The following ATAD5 variants were observed in gnomAD, a reference collection of about 807,000 sequenced individuals.
ATAD5 encodes ATPase family AAA domain containing 5.
ATAD5 carries 58 observed loss-of-function variants against 176.9 expected under a neutral mutation model. That is an observed-to-expected ratio of 0.33 (90% CI 0.27 to 0.41). The LOEUF (loss-of-function observed/expected upper bound fraction) is 0.41, where lower values mean the gene tolerates loss of function less well. ATAD5 is among the 10% of genes least tolerant of loss of function. The pLI is 1.00. For synonymous variants in ATAD5, 640 were observed against 712.6 expected (o/e 0.90, Z 1.62); for missense variants, 1,789 against 2,094.1 (o/e 0.85, Z 2.84).
intron 3 of ATAD5, among the ~76,000 whole-genome samples, chr17:30,838,557 G>T (rs749851926): frequency 1.6e-4 from 25 of 152,152 alleles, no homozygotes; most frequent in Admixed American, 9.2e-4. Context: ...ACTACAAGCA[G>T]TTAGAAAGAC....
chr17:30,877,811 G>A (rs962506997), intron 16 of ATAD5, among the ~76,000 whole-genome samples, 192 bp from the exon 17 acceptor site: 7 of 152,048 alleles, frequency 4.6e-5, no homozygotes, highest in African/African-American at 7.2e-5. Flanking sequence ...AGGTGGCTGC[G>A]TTTGTTTTTA....
At position 30,894,118 on chromosome 17, in the gene ATAD5, T is replaced by C; in HGVS notation, c.5265T>C (p.Asn1755=). The change falls in exon 21 of 23, where the codon AAT becomes AAC. Residue 1755 remains asparagine (N), a synonymous_variant. Coordinates refer to ENST00000321990, the MANE Select transcript of ATAD5 (RefSeq NM_024857.5). ...TTTATGTTTCACAAAAGCGCAATAA[T>C]GTATACTTTAGTCAGTCAGCAGCTA... The part of the protein sequence containing the change: ...LTFYVSQKRN[N]VYFSQSAANL... 1 of 1,585,236 alleles carries C rather than the reference T, an allele frequency of 6.3e-7. No homozygotes were observed. The highest frequency in any genetic ancestry group is 8.6e-7 in the Non-Finnish European group (1 of 1,163,206).
At chr17:30,880,992 C>CT (rs562847349) in intron 18 of ATAD5, among the ~76,000 whole-genome samples, 4,032 of 147,974 alleles carry the variant, frequency 0.027, 194 homozygotes, top group African/African-American at 0.094. Context: ...AAATAGCCAC[C>CT]TTTTTTTTTT....
At chr17:30,858,130 C>T (rs1907395329) in intron 8 of ATAD5, 31 bp from the exon 9 acceptor site, 1 of 1,456,610 alleles carries the variant, frequency 6.9e-7, no homozygotes, top group South Asian at 1.5e-5. Flanking sequence ...TGATGTTGGT[C>T]TGTTATTGTG....
In ATAD5 at chr17:30,835,859, C is replaced by T. The variant is rs751154775; in HGVS notation, c.1778C>T (p.Ser593Leu). ...TTGCTAAATGTTTCCACGCCCAAGT[C>T]AACTAGAAGATCTGGAAGAATTAGC... is the stretch of plus-strand genomic sequence containing the variant. ...ASLLNVSTPK[S>L]TRRSGRISST... The change falls in exon 2 of 23, where the codon TCA (serine) becomes TTA (leucine). Residue 593 changes from serine to leucine, a missense_variant. Physicochemically the swap from Ser to Leu is moderately radical, Grantham distance 145 (BLOSUM62 -2). Around this residue, in one of 6 missense-constraint regions of ATAD5, gnomAD observed 696 missense variants for 712.5 expected, o/e 0.98. Transcript: ENST00000321990. 1.4e-5 allele frequency: 22 copies of T among 1,613,944 alleles called. No individual in the cohort carries two copies. Among genetic ancestry groups the T allele is most frequent in the Admixed American group, 3.3e-5 (2 of 59,958 alleles).
At chr17:30,881,088 TTC>T (rs1432023347) in intron 18 of ATAD5, among the ~76,000 whole-genome samples, 1 of 147,674 alleles carries the variant, frequency 6.8e-6, no homozygotes, top group Non-Finnish European at 1.5e-5. Context: ...TTTTTCCTTT[TTC>T]TTTTTTTTCA....
At chr17:30,868,978 A>G (rs754856432) in intron 12 of ATAD5, among the ~76,000 whole-genome samples, 3 of 150,258 alleles carry the variant, frequency 2.0e-5, no homozygotes, top group East Asian at 2.0e-4. Context: ...CTGGGACTAC[A>G]GGCATGTGTC....
intron 4 of ATAD5, among the ~76,000 whole-genome samples, chr17:30,843,528 C>T (rs1906264588): frequency 6.6e-6 from 1 of 151,704 alleles, no homozygotes; most frequent in Middle Eastern, 3.4e-3. Flanking sequence ...CGCGCACCTC[C>T]AATCCCAGCT....
intron 11 of ATAD5, among the ~76,000 whole-genome samples, chr17:30,866,104 C>A (rs1253317442): frequency 5.3e-5 from 8 of 151,226 alleles, no homozygotes. Flanking sequence ...ATTCTCACAT[C>A]CAAAAAATTC....
rs1327644990 is a variant in ATAD5, at chr17:30,869,647, G to A, written c.3607+1G>A. 1 of 1,580,794 alleles carries A rather than the reference G, an allele frequency of 6.3e-7. No homozygotes were observed. Among genetic ancestry groups the A allele is most frequent in the Non-Finnish European group, 8.5e-7 (1 of 1,170,912 alleles). On this transcript the variant is annotated splice_donor_variant, in intron 14 of 22. Coordinates refer to ENST00000321990, the MANE Select transcript of ATAD5 (RefSeq NM_024857.5). LOFTEE classifies it high-confidence loss of function. ...AGCTACTACATAGGCAAGTCACCAA[G>A]TAAGTAAACTATTTTCCTTAAGCCA... is the stretch of plus-strand genomic sequence containing the variant.
rs1909112532 is a variant in ATAD5, at chr17:30,883,012, G to A, written c.4077+3525G>A. 2.6e-5 allele frequency among the ~76,000 whole-genome samples: 4 copies of A among 152,158 alleles called. No individual in the cohort carries two copies. The South Asian group carries it at 6.2e-4, about 24-fold the overall frequency. ...AAAACCATTGAATTTTACATGTTAA[G>A]TGGGTGAATTGTATAGTATATGAAT... On this transcript the variant is annotated intron_variant, in intron 18 of 22. Transcript: ENST00000321990.
In ATAD5 at chr17:30,835,486, A is replaced by C; in HGVS notation, c.1405A>C (p.Ser469Arg). The C allele has an allele frequency of 4.4e-6, 7 of 1,607,894 alleles. No individual in the cohort carries two copies. The highest frequency in any genetic ancestry group is 5.9e-6 in the Non-Finnish European group (7 of 1,178,578). Residue 469 changes from serine (S) to arginine (R), a missense_variant, in exon 2 of 23, where the codon AGT becomes CGT. Physicochemically the swap from Ser to Arg is moderately radical, Grantham distance 110. Around this residue, in one of 6 missense-constraint regions of ATAD5, gnomAD observed 696 missense variants for 712.5 expected, o/e 0.98. Coordinates refer to ENST00000321990, the MANE Select transcript of ATAD5 (RefSeq NM_024857.5). Reference protein sequence around the residue: ...GNLQLHTDKGSFLKEKNKKLK... With the variant: ...GNLQLHTDKGRFLKEKNKKLK... ...TTTACAGTTACACACTGATAAAGGA[A>C]GTTTTCTGAAGGAGAAAAATAAAAA... is the stretch of plus-strand genomic sequence containing the variant.
intron 5 of ATAD5, 148 bp downstream of exon 5, chr17:30,844,187 G>A (rs1342338283): frequency 5.8e-6 from 4 of 694,114 alleles, no homozygotes; most frequent in South Asian, 3.9e-5. Context: ...GGAGTGCAGC[G>A]CCGGCGGGAT....
At chr17:30,837,159 A>T in intron 2 of ATAD5, 47 bp from the exon 3 acceptor site, 1 of 1,045,194 alleles carries the variant, frequency 9.6e-7, no homozygotes, top group African/African-American at 1.7e-5. Flanking sequence ...ATTCTTGTGT[A>T]TGTTATAATC....
At chr17:30,893,271 C>T in intron 20 of ATAD5, 23 bp from the exon 21 acceptor site, 1 of 1,543,060 alleles carries the variant, frequency 6.5e-7, no homozygotes, top group Non-Finnish European at 8.7e-7. Context: ...TGTAACATTT[C>T]TTTACTCAAA....
At chr17:30,854,511 A>G (rs1282111136) in intron 6 of ATAD5, among the ~76,000 whole-genome samples, 1 of 150,216 alleles carries the variant, frequency 6.7e-6, no homozygotes, top group East Asian at 2.0e-4. Context: ...AGGTGGGATT[A>G]CAGGCACCCG....
intron 5 of ATAD5, 86 bp downstream of exon 5, chr17:30,844,125 A>G: frequency 1.9e-6 from 2 of 1,079,354 alleles, no homozygotes; most frequent in Non-Finnish European, 2.5e-6. Context: ...TGGGGTATTT[A>G]TTTATTTATT....
Position 30,893,905 on chromosome 17 carries a change from T to G in ATAD5, c.5052T>G (p.Val1684=). 1 of 1,614,088 alleles carries G rather than the reference T, an allele frequency of 6.2e-7. No individual in the cohort carries two copies. The highest frequency in any genetic ancestry group is 8.5e-7 in the Non-Finnish European group (1 of 1,179,942). The part of the protein sequence containing the change: ...RNDFSWTNGK[V]TSGLCDEFSL... ...ACTTTAGTTGGACAAATGGAAAGGT[T>G]ACAAGTGGACTTTGTGATGAGTTTA... is the stretch of plus-strand genomic sequence containing the variant. Residue 1684 remains valine (V), a synonymous_variant, in exon 21 of 23, where the codon GTT becomes GTG. Coordinates refer to ENST00000321990, the MANE Select transcript of ATAD5 (RefSeq NM_024857.5).
In ATAD5 at chr17:30,859,716, AGTTT is replaced by A. The variant is rs1386887877; in HGVS notation, c.2957-704_2957-701del. Among the ~76,000 whole-genome samples the A allele has an allele frequency of 3.4e-5, 5 of 147,362 alleles. 1 individual carries two copies. The highest frequency in any genetic ancestry group is 7.5e-5 in the Non-Finnish European group (5 of 66,718). ...CACTTTGTTGCCCAGGCTAGAATAC[AGTTT>A]GTTTGTTTGTTTATTTATTTTTATT... On this transcript the variant is annotated intron_variant, in intron 9 of 22. Transcript: ENST00000321990.
Sources: allele counts gnomAD v4.1 joint callset (sites outside exome capture counted in the v4.1 genomes callset), GRCh38; gene constraint gnomAD v4.1.1; regional missense constraint gnomAD v4.1.1; transcripts MANE v1.5; gene names NCBI Gene and HGNC (gene_info 2026-07-23, HGNC 2026-07-21).